EXT1: variants seen among roughly 807,000 people sequenced by gnomAD.
EXT1 encodes exostosin glycosyltransferase 1.
Under a neutral mutation model 82.5 loss-of-function variants are expected in EXT1, and 20 were observed. That is an observed-to-expected ratio of 0.24 (90% confidence interval 0.17 to 0.35). The LOEUF is 0.35. EXT1 is among the 10% of genes least tolerant of loss of function. EXT1 has a pLI of 1.00. For missense variants in EXT1, 757 were observed against 936.5 expected, an observed-to-expected ratio of 0.81 and a Z score of 2.50; for synonymous variants, 348 against 350.8, an observed-to-expected ratio of 0.99 and a Z score of 0.09.
chr8:118,007,834 G>A (rs1377675856), intron 1 of EXT1, among the ~76,000 whole-genome samples: 1 of 152,148 alleles, frequency 6.6e-6, no homozygotes, highest in Non-Finnish European at 1.5e-5. Context: ...GTTGTGTAAG[G>A]GGTTTGACAG....
At chr8:117,826,990 C>A (rs542242944) in intron 4 of EXT1, among the ~76,000 whole-genome samples, 1 of 152,170 alleles carries the variant, frequency 6.6e-6, no homozygotes, top group South Asian at 2.1e-4. Flanking sequence ...ATGCAATAAA[C>A]CATATGCAAA....
At chr8:118,071,974 G>T (rs1817103047) in intron 1 of EXT1, among the ~76,000 whole-genome samples, 1 of 152,126 alleles carries the variant, frequency 6.6e-6, no homozygotes, top group African/African-American at 2.4e-5. Flanking sequence ...TAGGTTAAAA[G>T]AAGCCAGGAT....
chr8:117,976,867 C>T (rs886261133), intron 1 of EXT1, among the ~76,000 whole-genome samples: 2 of 152,026 alleles, frequency 1.3e-5, no homozygotes, highest in African/African-American at 2.4e-5. Flanking sequence ...GGGGTAGAGA[C>T]CCTTTTGGAT....
At chr8:117,939,479 G>T (rs1002206311) in intron 1 of EXT1, among the ~76,000 whole-genome samples, 1 of 148,440 alleles carries the variant, frequency 6.7e-6, no homozygotes, top group Non-Finnish European at 1.5e-5. Context: ...TGAAGCAAGA[G>T]AATCACTTGA....
At chr8:117,848,893 C>T (rs1032009951) in intron 1 of EXT1, among the ~76,000 whole-genome samples, 3 of 152,190 alleles carry the variant, frequency 2.0e-5, no homozygotes, top group South Asian at 2.1e-4. Flanking sequence ...GTCACCCCCC[C>T]AGTCTGAACA....
intron 1 of EXT1, among the ~76,000 whole-genome samples, chr8:118,067,328 C>T (rs762412783): frequency 1.3e-5 from 2 of 152,206 alleles, no homozygotes; most frequent in Admixed American, 6.5e-5. Context: ...CATTATACTG[C>T]GGTTCTTACT....
intron 1 of EXT1, among the ~76,000 whole-genome samples, chr8:118,053,017 T>A (rs1816743253): frequency 6.6e-6 from 1 of 152,188 alleles, no homozygotes; most frequent in African/African-American, 2.4e-5. Context: ...AATGCATTCA[T>A]CACTCTGCCA....
At chr8:118,073,632 A>AGAGAAAGAAGAGAAGAGAAG (rs201535579) in intron 1 of EXT1, among the ~76,000 whole-genome samples, 2 of 89,478 alleles carry the variant, frequency 2.2e-5, no homozygotes, top group Non-Finnish European at 4.3e-5. Context: ...AGAGAAGAGA[A>AGAGAAAGAAGAGAAGAGAAG]AGAAGAGAAG....
intron 1 of EXT1, among the ~76,000 whole-genome samples, chr8:117,909,528 C>T (rs1267116158): frequency 1.3e-5 from 2 of 151,754 alleles, no homozygotes; most frequent in African/African-American, 4.8e-5. Flanking sequence ...TTTTTTGTTC[C>T]CATGTTTTTT....
At chr8:117,952,887 G>A (rs1814518605) in intron 1 of EXT1, among the ~76,000 whole-genome samples, 1 of 152,174 alleles carries the variant, frequency 6.6e-6, no homozygotes, top group Admixed American at 6.5e-5. Flanking sequence ...GACCAAAGAA[G>A]TTCATGAATT....
At chr8:117,816,201 AAG>A (rs1399928314) in intron 7 of EXT1, among the ~76,000 whole-genome samples, 1 of 152,104 alleles carries the variant, frequency 6.6e-6, no homozygotes, top group Non-Finnish European at 1.5e-5. Flanking sequence ...CATTTATTGA[AAG>A]GGGGCATCGA....
chr8:118,041,224 C>CTTT (rs1816520856), intron 1 of EXT1, among the ~76,000 whole-genome samples: 1 of 152,180 alleles, frequency 6.6e-6, no homozygotes, highest in African/African-American at 2.4e-5. Flanking sequence ...ATAGGACGTT[C>CTTT]TTTCTCTAAC....
intron 1 of EXT1, among the ~76,000 whole-genome samples, chr8:117,898,856 C>T (rs1813391679): frequency 6.6e-6 from 1 of 151,982 alleles, no homozygotes; most frequent in South Asian, 2.1e-4. Context: ...ACAGCTCTTC[C>T]AAGCTAAGAA....
chr8:117,819,721 C>T lies in EXT1; in HGVS notation c.1491G>A (p.Val497=). The change falls in exon 6 of 11, where the codon GTG becomes GTA. Residue 497 remains valine (V), a synonymous_variant. Coordinates refer to ENST00000378204, the MANE Select transcript of EXT1 (RefSeq NM_000127.3). ...VTPLVSQSQP[V]LKLLVAAAKS... Reference sequence around the variant, plus strand: ...TGGCTGCAGCCACGAGAAGCTTCAACACTGGCTGGGACTGAGAGACCAGGG... The same window carrying T: ...TGGCTGCAGCCACGAGAAGCTTCAATACTGGCTGGGACTGAGAGACCAGGG... 3 of 1,613,134 alleles carry T rather than the reference C, an allele frequency of 1.9e-6. No individual in the cohort carries two copies. Among genetic ancestry groups the T allele is most frequent in the Non-Finnish European group, 2.5e-6 (3 of 1,180,028 alleles).
At chr8:118,016,067 G>A (rs901383542) in intron 1 of EXT1, among the ~76,000 whole-genome samples, 5 of 152,210 alleles carry the variant, frequency 3.3e-5, no homozygotes, top group Non-Finnish European at 5.9e-5. Flanking sequence ...TCTAGACTTC[G>A]CATCTGTGAG....
intron 1 of EXT1, among the ~76,000 whole-genome samples, chr8:117,880,711 C>T (rs1317460064): frequency 9.2e-5 from 14 of 151,950 alleles, no homozygotes; most frequent in African/African-American, 2.9e-4. Context: ...CTGCCTCAGC[C>T]TCCCGAGTAG....
At chr8:118,104,473 A>C (rs1586276296) in intron 1 of EXT1, among the ~76,000 whole-genome samples, 1 of 152,232 alleles carries the variant, frequency 6.6e-6, no homozygotes, top group East Asian at 1.9e-4. Context: ...AGAGAAAAAA[A>C]ACGCACTATT....
chr8:118,085,647 A>G (rs1817404480), intron 1 of EXT1, among the ~76,000 whole-genome samples: 1 of 151,924 alleles, frequency 6.6e-6, no homozygotes, highest in African/African-American at 2.4e-5. Flanking sequence ...GAATGCATCC[A>G]TTACACAACT....
intron 1 of EXT1, among the ~76,000 whole-genome samples, chr8:117,955,353 G>A (rs1307556678): frequency 6.6e-6 from 1 of 152,200 alleles, no homozygotes; most frequent in Admixed American, 6.5e-5. Context: ...TGGGTTAGAA[G>A]TTCCAAGCTT....
Sources: gnomAD v4.1 joint callset for allele counts (sites outside exome capture counted in the v4.1 genomes callset) on GRCh38, gnomAD v4.1.1 for gene constraint, MANE v1.5 for transcripts, NCBI Gene and HGNC (gene_info 2026-07-23, HGNC 2026-07-21) for gene names.